The following IMMP2L variants were observed in gnomAD, a reference collection of about 807,000 sequenced individuals.
IMMP2L encodes inner mitochondrial membrane peptidase subunit 2.
A neutral mutation model predicts 19.3 loss-of-function variants in IMMP2L; 18 were observed. That is an observed-to-expected ratio of 0.93 (90% CI 0.64 to 1.38). The LOEUF is 1.38. IMMP2L is among the 40% of genes most tolerant of loss of function. The pLI, the probability that IMMP2L is intolerant of heterozygous loss-of-function variation, is 0.00. For synonymous variants in IMMP2L, 76 were observed against 73.0 expected, an observed-to-expected ratio of 1.04 and a Z score of -0.21; for missense variants, 233 against 218.2, an observed-to-expected ratio of 1.07 and a Z score of -0.43.
intron 3 of IMMP2L, among the ~76,000 whole-genome samples, chr7:111,344,183 A>G (rs1827306362): frequency 6.6e-6 from 1 of 152,138 alleles, no homozygotes; most frequent in Non-Finnish European, 1.5e-5. Flanking sequence ...CTACCATCCT[A>G]TTAATGATCT....
At chr7:111,114,730 C>T (rs1173715290) in intron 3 of IMMP2L, among the ~76,000 whole-genome samples, 1 of 136,124 alleles carries the variant, frequency 7.3e-6, no homozygotes, top group South Asian at 2.2e-4. Flanking sequence ...ACAGGCGAGA[C>T]TCCATCTCAA....
chr7:110,700,279 G>GT (rs1266782897), intron 5 of IMMP2L, among the ~76,000 whole-genome samples: 1 of 152,146 alleles, frequency 6.6e-6, no homozygotes, highest in Non-Finnish European at 1.5e-5. Flanking sequence ...CCCAGTGTTG[G>GT]TTTTTTCACT....
rs552661538 is a variant in IMMP2L, at chr7:111,219,366, C to G, written c.240-255801G>C. Among the ~76,000 whole-genome samples, 5 of 151,970 alleles carry G rather than the reference C, an allele frequency of 3.3e-5. No individual in the cohort carries two copies. The East Asian group carries it at 5.8e-4, about 18-fold the overall frequency. On this transcript the variant is annotated intron_variant, in intron 3 of 5. Transcript: ENST00000405709. ...CTGATGTTCAGACTGTTCCCAAGAC[C>G]TAATAAACCAGAATCTCTGGAAATA...
chr7:111,283,238 G>C (rs962408805), intron 3 of IMMP2L, among the ~76,000 whole-genome samples: 1 of 152,150 alleles, frequency 6.6e-6, no homozygotes, highest in African/African-American at 2.4e-5. Context: ...GAAATCAAAA[G>C]GGGAATCAGA....
intron 2 of IMMP2L, among the ~76,000 whole-genome samples, chr7:111,514,501 T>C (rs1208874136): frequency 1.3e-5 from 2 of 152,082 alleles, no homozygotes; most frequent in Non-Finnish European, 2.9e-5. Context: ...ACATGTACCC[T>C]AAAACTTAAA....
At chr7:110,723,729 G>A (rs1248116077) in intron 5 of IMMP2L, among the ~76,000 whole-genome samples, 5 of 152,082 alleles carry the variant, frequency 3.3e-5, no homozygotes, top group Admixed American at 3.3e-4. Flanking sequence ...TATGGCCATG[G>A]AGCCAAATGA....
chr7:111,016,287 A>C (rs1385983952), intron 3 of IMMP2L, among the ~76,000 whole-genome samples: 1 of 148,840 alleles, frequency 6.7e-6, no homozygotes, highest in East Asian at 1.9e-4. Flanking sequence ...TGTTACTTGA[A>C]TATTGTCTTC....
At chr7:111,292,191 T>C (rs1821185834) in intron 3 of IMMP2L, among the ~76,000 whole-genome samples, 1 of 152,164 alleles carries the variant, frequency 6.6e-6, no homozygotes, top group African/African-American at 2.4e-5. Context: ...TAAGTCCCTA[T>C]TCAGACTTCA....
At chr7:111,393,512 G>A (rs915330319) in intron 3 of IMMP2L, among the ~76,000 whole-genome samples, 34 of 152,188 alleles carry the variant, frequency 2.2e-4, no homozygotes, top group Non-Finnish European at 3.8e-4. Flanking sequence ...ATTGTCTGCT[G>A]TGCTCAGGGA....
Position 111,489,012 on chromosome 7 carries a change from T to C in IMMP2L, c.136-1671A>G, listed in dbSNP as rs1033629740. On this transcript the variant is annotated intron_variant, in intron 2 of 5. Coordinates refer to ENST00000405709, the MANE Select transcript of IMMP2L (RefSeq NM_032549.4). ...CCATTTGTGTATCTTCTCTTGAGAA[T>C]TGTCTATTCATGTCCTCAATCCACT... Among the ~76,000 whole-genome samples, 5 of 151,600 alleles carry C rather than the reference T, an allele frequency of 3.3e-5. No individual in the cohort carries two copies. The East Asian group carries it at 9.7e-4, about 29-fold the overall frequency.
chr7:110,669,684 T>C (rs1037812710), intron 5 of IMMP2L, among the ~76,000 whole-genome samples: 1 of 152,344 alleles, frequency 6.6e-6, no homozygotes. Context: ...GTAAGTACTG[T>C]TACTGCCTCT....
At chr7:110,906,723 T>C (rs1364973484) in intron 4 of IMMP2L, among the ~76,000 whole-genome samples, 2 of 151,998 alleles carry the variant, frequency 1.3e-5, no homozygotes, top group Non-Finnish European at 2.9e-5. Flanking sequence ...AAAAAAACCA[T>C]ACCAAAATAA....
intron 5 of IMMP2L, among the ~76,000 whole-genome samples, chr7:110,748,883 G>A (rs1797541344): frequency 6.6e-6 from 1 of 152,138 alleles, no homozygotes; most frequent in African/African-American, 2.4e-5. Context: ...GACATCAAAT[G>A]GCAAAACGGA....
intron 3 of IMMP2L, among the ~76,000 whole-genome samples, chr7:111,136,487 T>G (rs1802361362): frequency 6.6e-6 from 1 of 152,234 alleles, no homozygotes; most frequent in African/African-American, 2.4e-5. Context: ...AGTTATTGAT[T>G]ATGCTAGCCT....
intron 1 of IMMP2L, among the ~76,000 whole-genome samples, chr7:111,522,938 T>TATATATATATATATATATATATA (rs199823915): frequency 1.1e-4 from 17 of 148,796 alleles, no homozygotes; most frequent in African/African-American, 3.8e-4. Flanking sequence ...TATATATATA[T>TATATATATATATATATATATATA]TATTTCACCA....
At chr7:110,946,515 G>T (rs1200809867) in intron 4 of IMMP2L, among the ~76,000 whole-genome samples, 1 of 151,912 alleles carries the variant, frequency 6.6e-6, no homozygotes, top group Non-Finnish European at 1.5e-5. Flanking sequence ...TATGCCAGAT[G>T]TTTCAATTTC....
At chr7:111,067,276 T>A (rs1794593504) in intron 3 of IMMP2L, among the ~76,000 whole-genome samples, 1 of 152,216 alleles carries the variant, frequency 6.6e-6, no homozygotes, top group African/African-American at 2.4e-5. Context: ...GAGATCAGTG[T>A]TGGGAACTGT....
chr7:110,907,953 A>G (rs1451400563), intron 4 of IMMP2L, among the ~76,000 whole-genome samples: 1 of 152,154 alleles, frequency 6.6e-6, no homozygotes, highest in Admixed American at 6.5e-5. Context: ...TACTCATGCG[A>G]CACAACGGTC....
chr7:111,111,134 C>A (rs1799141796), intron 3 of IMMP2L, among the ~76,000 whole-genome samples: 1 of 151,870 alleles, frequency 6.6e-6, no homozygotes, highest in South Asian at 2.1e-4. Context: ...GAGATGAATA[C>A]CAGGCTTCTA....
Sources: allele counts gnomAD v4.1 joint callset (sites outside exome capture counted in the v4.1 genomes callset), GRCh38; gene constraint gnomAD v4.1.1; transcripts MANE v1.5; gene names NCBI Gene and HGNC (gene_info 2026-07-23, HGNC 2026-07-21).